MRAS: variants seen among roughly 807,000 people sequenced by gnomAD.
The protein encoded by MRAS is ras-related protein M-Ras.
In MRAS, 4 loss-of-function variants were observed where a neutral mutation model predicts 20.9. The ratio of observed to expected loss-of-function variants is 0.19; its 90% CI spans 0.09 to 0.44. The LOEUF is 0.44. Ranked by LOEUF, MRAS falls within the 20% of genes least tolerant of loss-of-function variation. MRAS has a pLI of 0.99. For missense variants in MRAS, 154 were observed against 277.5 expected (o/e 0.56, Z 3.16); for synonymous variants, 98 against 102.9 (o/e 0.95, Z 0.29).
intron 2 of MRAS, among the ~76,000 whole-genome samples, chr3:138,382,853 G>A (rs2054933706): frequency 6.6e-6 from 1 of 152,212 alleles, no homozygotes. Flanking sequence ...GTTGGTCCCT[G>A]TTAGAAGTCA....
chr3:138,369,470 G>A (rs1048405746), intron 1 of MRAS, among the ~76,000 whole-genome samples: 1 of 152,274 alleles, frequency 6.6e-6, no homozygotes, highest in Non-Finnish European at 1.5e-5. Flanking sequence ...GGGGGTGACA[G>A]TAGAGTATAA....
At chr3:138,390,182 GC>G (rs1397566595) in intron 2 of MRAS, among the ~76,000 whole-genome samples, 1 of 152,098 alleles carries the variant, frequency 6.6e-6, no homozygotes, top group Non-Finnish European at 1.5e-5. Context: ...CTGCCCTCCT[GC>G]CTGGGACTAC....
intron 2 of MRAS, among the ~76,000 whole-genome samples, chr3:138,396,907 G>A (rs1028464804): frequency 6.6e-6 from 1 of 152,142 alleles, no homozygotes; most frequent in African/African-American, 2.4e-5. Context: ...GGAGGAAAGG[G>A]GAAGCTCAGA....
intron 3 of MRAS, among the ~76,000 whole-genome samples, chr3:138,398,041 G>C (rs867068753): frequency 6.6e-6 from 1 of 152,192 alleles, no homozygotes; most frequent in African/African-American, 2.4e-5. Context: ...TGAGATTGTC[G>C]TTTCATTCAG....
Position 138,373,115 on chromosome 3 carries a change from T to C in MRAS, c.193+39T>C, listed in dbSNP as rs780589246. ...GGCAGCCCTGCATTGGGTGGGATAG[T>C]AGATGGGGAGGATCAGGGAAATTTG... On this transcript the variant is annotated intron_variant, in intron 2 of 5. Coordinates refer to ENST00000423968, the MANE Select transcript of MRAS (RefSeq NM_001085049.3). 3.6e-6 allele frequency: 5 copies of C among 1,387,260 alleles called. No individual in the cohort carries two copies. In the South Asian group the frequency reaches 9.2e-5, roughly 26 times the overall value. 85.9% of individuals were successfully genotyped at this position (1,387,260 alleles called of 1,614,324 possible).
At chr3:138,355,650 G>C (rs1454408466) in intron 1 of MRAS, among the ~76,000 whole-genome samples, 5 of 152,184 alleles carry the variant, frequency 3.3e-5, no homozygotes, top group African/African-American at 1.2e-4. Flanking sequence ...ACACCACCAG[G>C]CTGGATGCAG....
At chr3:138,388,680 C>T (rs1210603226) in intron 2 of MRAS, among the ~76,000 whole-genome samples, 8 of 151,898 alleles carry the variant, frequency 5.3e-5, no homozygotes, top group Admixed American at 2.0e-4. Context: ...GCCTGGGTGA[C>T]GGAGTGAGAC....
intron 3 of MRAS, 83 bp from the exon 4 acceptor site, chr3:138,398,386 T>C (rs2055285971): frequency 3.5e-6 from 4 of 1,136,338 alleles, no homozygotes; most frequent in Non-Finnish European, 1.3e-6. Context: ...GGCTGTGCTA[T>C]GCCTGAGATG....
rs983076595 is a variant in MRAS at position 138,402,323 on chromosome 3, C to T, written c.*54C>T. 2 of 1,461,872 alleles carry T rather than the reference C, an allele frequency of 1.4e-6. No individual in the cohort carries two copies. Among genetic ancestry groups the T allele is most frequent in the African/African-American group, 2.8e-5 (2 of 71,338 alleles). 90.6% of individuals were successfully genotyped at this position (1,461,872 alleles called of 1,614,324 possible). A position where few individuals can be genotyped will look rare whatever the true frequency, so the allele number is the denominator to read the frequency against. On this transcript the variant is annotated 3_prime_UTR_variant, in exon 6 of 6. Transcript: ENST00000423968. ...GTGGCCTGGCCAGCCCTCGGGACCC[C>T]TCCCCACCTAACTGCACTGAAACCA...
chr3:138,378,113 G>A (rs2054822308), intron 2 of MRAS, among the ~76,000 whole-genome samples: 1 of 152,186 alleles, frequency 6.6e-6, no homozygotes, highest in African/African-American at 2.4e-5. Flanking sequence ...AGTGGGTGTG[G>A]CTGAACTATC....
chr3:138,397,030 G>C (rs551804015), intron 2 of MRAS, among the ~76,000 whole-genome samples: 51 of 152,310 alleles, frequency 3.3e-4, no homozygotes, highest in African/African-American at 1.2e-3. Flanking sequence ...TTCATGAGGC[G>C]CGTCTGTAGA....
At chr3:138,357,160 G>A (rs1008387725) in intron 1 of MRAS, among the ~76,000 whole-genome samples, 11 of 152,236 alleles carry the variant, frequency 7.2e-5, no homozygotes, top group Non-Finnish European at 1.5e-4. Context: ...GTTGGGGTGG[G>A]TAAATAGGAA....
intron 2 of MRAS, among the ~76,000 whole-genome samples, chr3:138,375,763 G>A (rs940233): frequency 0.59 from 89,622 of 152,090 alleles, 27,449 homozygotes; most frequent in East Asian, 0.73. Flanking sequence ...TACAAGGCCT[G>A]TAAATCCCAA....
In MRAS at chr3:138,403,555, G is replaced by A. The variant is rs2055400936; in HGVS notation, c.*1286G>A. 1.3e-5 allele frequency: 2 copies of A among 152,618 alleles called. No individual in the cohort carries two copies. The highest frequency in any genetic ancestry group is 2.4e-5 in the African/African-American group (1 of 41,432). 9.5% of individuals were successfully genotyped at this position (152,618 alleles called of 1,614,324 possible). On this transcript the variant is annotated 3_prime_UTR_variant, in exon 6 of 6. Transcript: ENST00000423968. Reference sequence around the variant, plus strand: ...GACTATAAAATGATCTGAGAAGTAAGGAAGGCTGGGCTGATGTGTGGCTCT... The same window carrying A: ...GACTATAAAATGATCTGAGAAGTAAAGAAGGCTGGGCTGATGTGTGGCTCT...
intron 1 of MRAS, among the ~76,000 whole-genome samples, chr3:138,353,712 C>G (rs2054274193): frequency 6.6e-6 from 1 of 152,230 alleles, no homozygotes; most frequent in Non-Finnish European, 1.5e-5. Flanking sequence ...TCTCTCCATC[C>G]ATCTTTCCTT....
intron 1 of MRAS, among the ~76,000 whole-genome samples, chr3:138,355,349 C>G (rs137896340): frequency 6.6e-6 from 1 of 152,316 alleles, no homozygotes; most frequent in East Asian, 1.9e-4. Flanking sequence ...TCCTTTCCAC[C>G]TACTGATTGA....
intron 4 of MRAS, 121 bp downstream of exon 4, chr3:138,398,689 T>G: frequency 1.2e-6 from 1 of 823,270 alleles, no homozygotes; most frequent in Non-Finnish European, 2.0e-6. Flanking sequence ...CCCCTTAGTT[T>G]AAGTCTTGTT....
At chr3:138,367,567 C>T (rs1307908397) in intron 1 of MRAS, among the ~76,000 whole-genome samples, 2 of 152,148 alleles carry the variant, frequency 1.3e-5, no homozygotes, top group Admixed American at 6.5e-5. Context: ...CACCCACTTC[C>T]TAGGGGTATG....
chr3:138,394,104 A>T (rs1348268542), intron 2 of MRAS, among the ~76,000 whole-genome samples: 1 of 151,552 alleles, frequency 6.6e-6, no homozygotes, highest in African/African-American at 2.4e-5. Context: ...TTTCTAAGAA[A>T]AAAAAAAGCT....
Sources: gnomAD v4.1 joint callset for allele counts (sites outside exome capture counted in the v4.1 genomes callset) on GRCh38, gnomAD v4.1.1 for gene constraint, MANE v1.5 for transcripts, NCBI Gene and HGNC (gene_info 2026-07-23, HGNC 2026-07-21) for gene names.